The following ABI3BP variants were observed in gnomAD, a reference collection of about 807,000 sequenced individuals.
ABI3BP encodes the protein ABI family member 3 binding protein, also known as target of Nesh-SH3.
In ABI3BP, 216 loss-of-function variants were observed where a neutral mutation model predicts 268.6. That is an observed-to-expected ratio of 0.80 (90% CI 0.72 to 0.90). The LOEUF (loss-of-function observed/expected upper bound fraction) is 0.90. Ranked by LOEUF, ABI3BP falls within the 40% of genes least tolerant of loss-of-function variation. ABI3BP has a pLI of 0.00. For missense variants in ABI3BP, 2,090 were observed against 2,182.4 expected (o/e 0.96, Z 0.84); for synonymous variants, 730 against 730.0 (o/e 1.00, Z 0.00).
rs372780603 is a variant in ABI3BP, at chr3:100,778,339, G to A, written c.4278C>T (p.His1426=). ...TTGGTGGTAAAGGTTTTCTTCGTGG[G>A]TGTGTAGGTCTGGGTGGCAAGGGTG... ...RRPPLPPRPT[H]PRRKPLPPNN... The change falls in exon 59 of 68, where the codon CAC becomes CAT. Residue 1426 remains histidine (H), a synonymous_variant. Coordinates refer to ENST00000471714, the MANE Select transcript of ABI3BP (RefSeq NM_001375547.2). 179 of 1,613,786 alleles carry A rather than the reference G, an allele frequency of 1.1e-4. No individual in the cohort carries two copies. In the African/African-American group the frequency reaches 1.6e-3, roughly 14 times the overall value.
chr3:100,866,060 T>G (rs1449042971), intron 10 of ABI3BP, among the ~76,000 whole-genome samples: 1 of 152,212 alleles, frequency 6.6e-6, no homozygotes, highest in East Asian at 1.9e-4. Context: ...ACAACAACTT[T>G]TATCTTCTCT....
In ABI3BP at chr3:100,750,402, A is replaced by G. The variant is rs2095247395; in HGVS notation, c.*93T>C. On this transcript the variant is annotated 3_prime_UTR_variant, in exon 68 of 68. Coordinates refer to ENST00000471714, the MANE Select transcript of ABI3BP (RefSeq NM_001375547.2). The stretch of plus-strand genomic sequence containing the variant: ...TTAATTAGATTGTAGACTTTTATAC[A>G]TAGTAAACAAAATAGCTTTAAATGA... 5.4e-6 allele frequency: 5 copies of G among 934,562 alleles called. No homozygotes were observed. The South Asian group carries it at 6.3e-5, about 12-fold the overall frequency. The allele number at this position is 934,562 out of a possible 1,614,324, so 57.9% of individuals were successfully genotyped here.
chr3:100,941,740 A>T (rs2069363580), intron 1 of ABI3BP, among the ~76,000 whole-genome samples: 1 of 152,154 alleles, frequency 6.6e-6, no homozygotes, highest in South Asian at 2.1e-4. Flanking sequence ...CAGTAACTAC[A>T]TTACTGACTT....
rs4060972 is a variant in ABI3BP, at chr3:100,830,110, C to T, written c.2459-446G>A. 6.8e-3 allele frequency among the ~76,000 whole-genome samples: 300 copies of T among 44,412 alleles called. 3 individuals are homozygous for T. The highest frequency in any genetic ancestry group is 0.013 in the African/African-American group (132 of 10,112). 29.1% of individuals were successfully genotyped at this position (44,412 alleles called of 152,430 possible). A position where few individuals can be genotyped will look rare whatever the true frequency, so the allele number is the denominator to read the frequency against. ...ATACATATACATACATACATACATA[C>T]ATATATATATATATATATATATATA... is the stretch of plus-strand genomic sequence containing the variant. On this transcript the variant is annotated intron_variant, in intron 32 of 67. Transcript: ENST00000471714.
At chr3:100,798,262 A>T (rs2097413285) in intron 51 of ABI3BP, among the ~76,000 whole-genome samples, 1 of 152,164 alleles carries the variant, frequency 6.6e-6, no homozygotes, top group African/African-American at 2.4e-5. Flanking sequence ...CCGTGAAGTG[A>T]TGATTTAATA....
intron 2 of ABI3BP, among the ~76,000 whole-genome samples, chr3:100,915,145 C>G (rs2058162816): frequency 6.6e-6 from 1 of 152,118 alleles, no homozygotes. Context: ...TCAGCCCACT[C>G]TCTTCCCCCT....
At chr3:100,876,411 A>G (rs535889950) in intron 7 of ABI3BP, 101 bp downstream of exon 7, 1 of 1,107,282 alleles carries the variant, frequency 9.0e-7, no homozygotes, top group Non-Finnish European at 1.3e-6. Context: ...TCAAAAAAAA[A>G]ATCAATTAAA....
chr3:100,883,013 A>G (rs2040176027), intron 6 of ABI3BP, among the ~76,000 whole-genome samples: 2 of 152,162 alleles, frequency 1.3e-5, no homozygotes, highest in African/African-American at 2.4e-5. Context: ...TTCCTATACA[A>G]TGTTGACTGG....
chr3:100,814,082 G>A (rs1428565248), intron 44 of ABI3BP, among the ~76,000 whole-genome samples: 2 of 151,956 alleles, frequency 1.3e-5, no homozygotes, highest in Non-Finnish European at 2.9e-5. Flanking sequence ...ATCAGCTTTG[G>A]TTGCCTTCAA....
chr3:100,908,198 T>C (rs1340077305), intron 2 of ABI3BP, among the ~76,000 whole-genome samples: 1 of 152,134 alleles, frequency 6.6e-6, no homozygotes, highest in Non-Finnish European at 1.5e-5. Context: ...ATGCTAACTC[T>C]GAATAAATAA....
Position 100,912,089 on chromosome 3 carries a change from G to A in ABI3BP, c.260-9403C>T, listed in dbSNP as rs2056742057. ...CCTTCATCTTTTACTTCCTTAAGAAGAACACCTTCCGTGTCCCAGACAGTG... is the reference window on the plus strand; with the variant it reads ...CCTTCATCTTTTACTTCCTTAAGAAAAACACCTTCCGTGTCCCAGACAGTG... On this transcript the variant is annotated intron_variant, in intron 2 of 67. Coordinates refer to ENST00000471714, the MANE Select transcript of ABI3BP (RefSeq NM_001375547.2). 1.8e-5 allele frequency: 12 copies of A among 661,776 alleles called. No individual in the cohort carries two copies. In the East Asian group the frequency reaches 3.3e-4, roughly 18 times the overall value. 41.0% of individuals were successfully genotyped at this position (661,776 alleles called of 1,614,324 possible). A position where few individuals can be genotyped will look rare whatever the true frequency, so the allele number is the denominator to read the frequency against.
chr3:100,750,550 T>G lies in ABI3BP; in HGVS notation c.5306A>C (p.Gln1769Pro). 1 of 1,613,388 alleles carries G rather than the reference T, an allele frequency of 6.2e-7. No individual in the cohort carries two copies. The highest frequency in any genetic ancestry group is 1.1e-5 in the South Asian group (1 of 91,044). The change falls in exon 68 of 68, where the codon CAA (glutamine) becomes CCA (proline). Residue 1769 changes from glutamine (Q) to proline (P), a missense_variant. By Grantham distance (76) the Gln-to-Pro change is moderately conservative (BLOSUM62 -1). Coordinates refer to ENST00000471714, the MANE Select transcript of ABI3BP (RefSeq NM_001375547.2). ...TTCATACCACTGAACATAATTGATT[T>G]GGGTGTGACCACCTATTTCTCCAAA... Reference protein sequence around the residue: ...VQFGEIGGHTQINYVQWYECG... With the variant: ...VQFGEIGGHTPINYVQWYECG...
intron 1 of ABI3BP, among the ~76,000 whole-genome samples, chr3:100,962,821 T>A (rs2079622460): frequency 1.3e-5 from 2 of 152,310 alleles, no homozygotes; most frequent in South Asian, 4.1e-4. Context: ...TTGCATTGAT[T>A]TTCGTGACTT....
chr3:100,954,048 A>AGTTTGGGAGTG (rs2076016633), intron 1 of ABI3BP, among the ~76,000 whole-genome samples: 2 of 152,134 alleles, frequency 1.3e-5, no homozygotes, highest in Admixed American at 6.6e-5. Context: ...ACGTGTAACA[A>AGTTTGGGAGTG]AGGTCCAGAT....
chr3:100,934,145 C>G (rs2576380), intron 1 of ABI3BP, among the ~76,000 whole-genome samples: 90,067 of 150,766 alleles, frequency 0.6, 27,505 homozygotes, highest in East Asian at 0.9. Flanking sequence ...CCCCCACCCC[C>G]AAAAAGGCCC....
In ABI3BP at chr3:100,915,667, C is replaced by T. The variant is rs142730683; in HGVS notation, c.259+10635G>A. On this transcript the variant is annotated intron_variant, in intron 2 of 67. Transcript: ENST00000471714. ...ATAGGACCTCACTTACAAAATAAAA[C>T]GGAAAGATAAGTTAAGAATTCATGA... Among the ~76,000 whole-genome samples the T allele has an allele frequency of 6.8e-3, 1,038 of 152,232 alleles. 4 individuals are homozygous for T. The highest frequency in any genetic ancestry group is 0.041 in the Middle Eastern group (12 of 294).
intron 57 of ABI3BP, among the ~76,000 whole-genome samples, chr3:100,786,951 CT>C (rs1308052462): frequency 6.6e-6 from 1 of 152,096 alleles, no homozygotes; most frequent in African/African-American, 2.4e-5. Context: ...TTATTCACAT[CT>C]CTTTTTCATT....
Position 100,824,909 on chromosome 3 carries a change from G to A in ABI3BP, c.2695C>T (p.Arg899Cys), listed in dbSNP as rs976888062. The change falls in exon 36 of 68, where the codon CGT (arginine) becomes TGT (cysteine). Residue 899 changes from arginine (R) to cysteine (C), a missense_variant. By Grantham distance (180) the Arg-to-Cys change is radical. Transcript: ENST00000471714. ...TKTSKRTRPP[R>C]PRPKTTPSPQ... is the part of the protein sequence containing the mutation. ...CTCGGTGTAGTTTTAGGTCTGGGAC[G>A]TGGAGGGCGGGTTCTTTTTGATGTT... is the stretch of plus-strand genomic sequence containing the variant. 2.0e-5 allele frequency: 30 copies of A among 1,536,096 alleles called. No homozygotes were observed. The highest frequency in any genetic ancestry group is 2.4e-5 in the East Asian group (1 of 40,910).
At chr3:100,964,115 A>G (rs1411538978) in intron 1 of ABI3BP, among the ~76,000 whole-genome samples, 1 of 152,172 alleles carries the variant, frequency 6.6e-6, no homozygotes, top group Non-Finnish European at 1.5e-5. Flanking sequence ...GTCGTTTTGT[A>G]GCAAAAAGGA....
Sources: allele counts gnomAD v4.1 joint callset (sites outside exome capture counted in the v4.1 genomes callset), GRCh38; gene constraint gnomAD v4.1.1; transcripts MANE v1.5; gene names NCBI Gene and HGNC (gene_info 2026-07-23, HGNC 2026-07-21).